Variants in CDH13 observed in about 807,000 individuals in gnomAD.
CDH13 encodes cadherin-13.
Under a neutral mutation model 63.8 loss-of-function variants are expected in CDH13, and 24 were observed. The ratio of observed to expected loss-of-function variants is 0.38; its 90% CI spans 0.27 to 0.53. The LOEUF is 0.53. CDH13 is among the 20% of genes least tolerant of loss of function. CDH13 has a pLI of 0.85. For missense variants in CDH13, 1,049 were observed against 903.1 expected, an observed-to-expected ratio of 1.16 and a Z score of -2.07; for synonymous variants, 503 against 355.3, an observed-to-expected ratio of 1.42 and a Z score of -4.67.
chr16:83,661,345 G>A (rs768288483), intron 8 of CDH13, among the ~76,000 whole-genome samples: 7 of 152,036 alleles, frequency 4.6e-5, no homozygotes, highest in Non-Finnish European at 7.4e-5. Context: ...AAATTAGCTT[G>A]GCGTGGTGGC....
chr16:83,515,784 G>C (rs546954405), intron 7 of CDH13, among the ~76,000 whole-genome samples: 1 of 152,014 alleles, frequency 6.6e-6, no homozygotes, highest in East Asian at 1.9e-4. Context: ...CAAGCAAAGC[G>C]TTCATTTTGT....
chr16:83,557,528 C>T (rs536517214), intron 7 of CDH13, among the ~76,000 whole-genome samples: 2 of 152,198 alleles, frequency 1.3e-5, no homozygotes, highest in South Asian at 2.1e-4. Context: ...TTGAAGCAAA[C>T]GAAGCTCTCT....
At chr16:82,710,532 C>CAA (rs71913517) in intron 1 of CDH13, among the ~76,000 whole-genome samples, 1,861 of 55,830 alleles carry the variant, frequency 0.033, 102 homozygotes, top group Middle Eastern at 0.045. Context: ...GACTCTGTCT[C>CAA]AAAAAAAAAA....
chr16:83,606,063 C>G (rs932692070), intron 8 of CDH13, among the ~76,000 whole-genome samples: 2 of 152,076 alleles, frequency 1.3e-5, no homozygotes, highest in African/African-American at 4.8e-5. Flanking sequence ...ACAGGATGCC[C>G]TAGAAACAGA....
At chr16:82,816,558 G>T (rs933256089) in intron 1 of CDH13, among the ~76,000 whole-genome samples, 1 of 152,056 alleles carries the variant, frequency 6.6e-6, no homozygotes, top group Non-Finnish European at 1.5e-5. Context: ...CTTGAAAGAG[G>T]CAAAGGAATG....
intron 1 of CDH13, among the ~76,000 whole-genome samples, chr16:82,717,569 T>A (rs191794438): frequency 6.6e-6 from 1 of 152,080 alleles, no homozygotes; most frequent in Admixed American, 6.6e-5. Flanking sequence ...CTCTTTTAGA[T>A]CCTGGTGGTT....
chr16:82,786,772 G>A (rs2036037034), intron 1 of CDH13, among the ~76,000 whole-genome samples: 2 of 151,312 alleles, frequency 1.3e-5, no homozygotes, highest in African/African-American at 4.9e-5. Flanking sequence ...TTCTGTCCTT[G>A]CAATCGTTTG....
At chr16:83,567,310 C>G (rs1904291077) in intron 7 of CDH13, among the ~76,000 whole-genome samples, 1 of 152,166 alleles carries the variant, frequency 6.6e-6, no homozygotes, top group Non-Finnish European at 1.5e-5. Context: ...ATTCCTGGTT[C>G]TTGGCACATA....
intron 1 of CDH13, among the ~76,000 whole-genome samples, chr16:82,789,770 T>C (rs901892540): frequency 3.9e-5 from 6 of 152,164 alleles, no homozygotes; most frequent in Non-Finnish European, 7.4e-5. Context: ...CTCCAAGAGT[T>C]CCTAGGTCCT....
chr16:83,606,473 C>G (rs1019324593), intron 8 of CDH13, among the ~76,000 whole-genome samples: 1 of 151,996 alleles, frequency 6.6e-6, no homozygotes, highest in Non-Finnish European at 1.5e-5. Context: ...AGTGGTGGCT[C>G]GTGTCTGTAA....
At chr16:83,692,041 C>T (rs1904949864) in intron 10 of CDH13, among the ~76,000 whole-genome samples, 1 of 152,116 alleles carries the variant, frequency 6.6e-6, no homozygotes, top group African/African-American at 2.4e-5. Context: ...GATTCACACT[C>T]AGGAAATGTG....
At chr16:83,014,816 G>GTA (rs1378898826) in intron 2 of CDH13, among the ~76,000 whole-genome samples, 2 of 64,168 alleles carry the variant, frequency 3.1e-5, no homozygotes, top group Non-Finnish European at 5.9e-5. Flanking sequence ...ATATATATTT[G>GTA]TATATATATA....
intron 6 of CDH13, among the ~76,000 whole-genome samples, chr16:83,481,884 C>G (rs1228264530): frequency 6.6e-6 from 1 of 152,186 alleles, no homozygotes; most frequent in South Asian, 2.1e-4. Context: ...GGATAGGAAG[C>G]TGCATGAGCT....
At chr16:82,849,572 T>C (rs951724390) in intron 1 of CDH13, among the ~76,000 whole-genome samples, 31 of 152,288 alleles carry the variant, frequency 2.0e-4, no homozygotes, top group Non-Finnish European at 3.7e-4. Flanking sequence ...CAGCAAGTCA[T>C]CCAGAAGATC....
intron 10 of CDH13, among the ~76,000 whole-genome samples, chr16:83,701,624 C>G (rs567995067): frequency 1.3e-5 from 2 of 152,186 alleles, no homozygotes; most frequent in Admixed American, 6.5e-5. Context: ...TCTTCTCTGC[C>G]TCTGTGCTAG....
chr16:82,673,769 C>T (rs1913571398), intron 1 of CDH13, among the ~76,000 whole-genome samples: 1 of 152,156 alleles, frequency 6.6e-6, no homozygotes, highest in Admixed American at 6.5e-5. Context: ...ATGATTGCTC[C>T]ACAACTTTAC....
chr16:83,248,445 G>A (rs1905181388), intron 5 of CDH13, among the ~76,000 whole-genome samples: 2 of 152,136 alleles, frequency 1.3e-5, no homozygotes, highest in South Asian at 4.2e-4. Flanking sequence ...CCTGTCACAT[G>A]CAGGTGTCAT....
chr16:82,788,777 C>T (rs1395513476), intron 1 of CDH13, among the ~76,000 whole-genome samples: 6 of 152,170 alleles, frequency 3.9e-5, no homozygotes, highest in South Asian at 2.1e-4. Flanking sequence ...CCGGACAGAT[C>T]CTGGGATGTG....
intron 4 of CDH13, among the ~76,000 whole-genome samples, chr16:83,196,319 A>G (rs1366897871): frequency 6.6e-6 from 1 of 152,218 alleles, no homozygotes; most frequent in Non-Finnish European, 1.5e-5. Flanking sequence ...TATAAATGTA[A>G]AACACTATGA....
Sources: allele counts gnomAD v4.1 joint callset (sites outside exome capture counted in the v4.1 genomes callset), GRCh38; gene constraint gnomAD v4.1.1; transcripts MANE v1.5; gene names NCBI Gene and HGNC (gene_info 2026-07-23, HGNC 2026-07-21).